The following ESRRB variants were observed in gnomAD, a reference collection of about 807,000 sequenced individuals.
ESRRB encodes the protein steroid hormone receptor ERR2.
Under a neutral mutation model 46.0 loss-of-function variants are expected in ESRRB, and 16 were observed. The ratio of observed to expected loss-of-function variants is 0.35; its 90% CI spans 0.24 to 0.53. The LOEUF (loss-of-function observed/expected upper bound fraction) is 0.53, where lower values mean the gene tolerates loss of function less well. Among genes scored for constraint, ESRRB ranks in the 20% least tolerant of loss-of-function variants. ESRRB has a pLI of 0.93. For missense variants in ESRRB, 488 were observed against 607.4 expected, an observed-to-expected ratio of 0.80 and a Z score of 2.07; for synonymous variants, 246 against 259.6, an observed-to-expected ratio of 0.95 and a Z score of 0.50.
At chr14:76,484,063 C>G (rs889748241) in intron 5 of ESRRB, among the ~76,000 whole-genome samples, 3 of 152,174 alleles carry the variant, frequency 2.0e-5, no homozygotes, top group Non-Finnish European at 4.4e-5. Flanking sequence ...GCCATGTTGG[C>G]CAAGCTGGTC....
In ESRRB at chr14:76,482,859, C is replaced by T; in HGVS notation, c.850+100C>T. Reference sequence around the variant, plus strand: ...TGCTTCTGATGCCCGGATCCTGGACCCCAGAAGGCCTGTGAAATCCTGGCA... The same window carrying T: ...TGCTTCTGATGCCCGGATCCTGGACTCCAGAAGGCCTGTGAAATCCTGGCA... On this transcript the variant is annotated intron_variant, in intron 5 of 6. Transcript: ENST00000644823. The surrounding 1 kb of genome is among the most constrained non-coding windows in gnomAD (Gnocchi z 4.3). 1.4e-6 allele frequency: 2 copies of T among 1,420,190 alleles called. No homozygotes were observed. The highest frequency in any genetic ancestry group is 2.0e-6 in the Non-Finnish European group (2 of 1,015,698). The allele number at this position is 1,420,190 out of a possible 1,614,324, so 88.0% of individuals were successfully genotyped here.
chr14:76,358,979 T>G (rs1884431885), intron 1 of ESRRB, among the ~76,000 whole-genome samples: 2 of 152,202 alleles, frequency 1.3e-5, no homozygotes, highest in African/African-American at 4.8e-5. Context: ...TTCTAATACT[T>G]TCCCAGGTGA....
intron 5 of ESRRB, among the ~76,000 whole-genome samples, chr14:76,490,936 G>C (rs115932738): frequency 4.1e-4 from 62 of 152,228 alleles, no homozygotes; most frequent in African/African-American, 1.5e-3. Flanking sequence ...CTGCGTCCTC[G>C]TTCTTGGTCA....
At chr14:76,485,626 TGAGAGAGA>T (rs151021182) in intron 5 of ESRRB, among the ~76,000 whole-genome samples, 5,458 of 143,886 alleles carry the variant, frequency 0.038, 317 homozygotes, top group African/African-American at 0.13. Context: ...TCCCTATCCC[TGAGAGAGA>T]GAGAGAGAGA....
intron 1 of ESRRB, among the ~76,000 whole-genome samples, chr14:76,417,117 A>G (rs1213260731): frequency 2.0e-5 from 3 of 152,180 alleles, no homozygotes; most frequent in South Asian, 4.2e-4. Context: ...AAGCTGGCCA[A>G]TAGAGTGAGA....
chr14:76,470,258 C>T (rs190914784), intron 3 of ESRRB, among the ~76,000 whole-genome samples: 1 of 152,182 alleles, frequency 6.6e-6, no homozygotes, highest in Non-Finnish European at 1.5e-5. Flanking sequence ...CCACGCTAGG[C>T]TTCTAAAAGA....
intron 5 of ESRRB, among the ~76,000 whole-genome samples, chr14:76,491,237 T>C (rs981700401): frequency 3.3e-5 from 5 of 152,228 alleles, no homozygotes; most frequent in African/African-American, 7.2e-5. Context: ...TTGTAAGTCT[T>C]TTCCGTGAAT....
intron 1 of ESRRB, among the ~76,000 whole-genome samples, chr14:76,324,963 C>CTTTTTCTTTTTTTT (rs1320537747): frequency 1.8e-4 from 18 of 102,192 alleles, no homozygotes; most frequent in Middle Eastern, 5.7e-3. Flanking sequence ...TTTTCTTTTT[C>CTTTTTCTTTTTTTT]TTTTTTTTTT....
intron 1 of ESRRB, among the ~76,000 whole-genome samples, chr14:76,355,886 T>A (rs1884373325): frequency 6.6e-6 from 1 of 152,184 alleles, no homozygotes; most frequent in African/African-American, 2.4e-5. Flanking sequence ...GTATTCTCTC[T>A]CACCCCACCC....
intron 1 of ESRRB, among the ~76,000 whole-genome samples, chr14:76,386,549 C>T (rs181788774): frequency 3.2e-4 from 48 of 150,484 alleles, no homozygotes; most frequent in African/African-American, 4.9e-4. Context: ...CTCTGCCTCC[C>T]GGGTTCAAGC....
chr14:76,406,720 G>A (rs1052919045), intron 1 of ESRRB, among the ~76,000 whole-genome samples: 8 of 152,034 alleles, frequency 5.3e-5, no homozygotes, highest in Non-Finnish European at 1.0e-4. Context: ...CTCCAGCCTG[G>A]GCAACAAGAG....
At chr14:76,420,820 A>G (rs112048483) in intron 1 of ESRRB, among the ~76,000 whole-genome samples, 20 of 152,232 alleles carry the variant, frequency 1.3e-4, no homozygotes, top group African/African-American at 4.8e-4. Context: ...CATCCACCTC[A>G]AAGTTTCTAA....
At chr14:76,382,623 T>C (rs1345819288) in intron 1 of ESRRB, among the ~76,000 whole-genome samples, 1 of 152,184 alleles carries the variant, frequency 6.6e-6, no homozygotes, top group Non-Finnish European at 1.5e-5. Flanking sequence ...TCAAGGAAAA[T>C]CATACTGGTT....
intron 1 of ESRRB, among the ~76,000 whole-genome samples, chr14:76,437,076 G>A (rs767677085): frequency 2.6e-5 from 4 of 151,996 alleles, no homozygotes; most frequent in Non-Finnish European, 4.4e-5. Flanking sequence ...CTGTCTCCCG[G>A]GCTAGAGTGC....
chr14:76,397,372 C>T (rs1293752562), intron 1 of ESRRB, among the ~76,000 whole-genome samples: 5 of 152,190 alleles, frequency 3.3e-5, no homozygotes. Flanking sequence ...GGCAGCAGAA[C>T]CTCCTGGAGT....
At chr14:76,395,787 TA>T (rs2139828429) in intron 1 of ESRRB, among the ~76,000 whole-genome samples, 1 of 145,194 alleles carries the variant, frequency 6.9e-6, no homozygotes, top group East Asian at 2.0e-4. Context: ...GGAGTTATTA[TA>T]TATTTTTCCA....
intron 2 of ESRRB, among the ~76,000 whole-genome samples, chr14:76,461,336 G>C (rs1566598510): frequency 6.6e-6 from 1 of 152,204 alleles, no homozygotes; most frequent in African/African-American, 2.4e-5. Context: ...CTGTAGATCA[G>C]TCATTCACTG....
intron 6 of ESRRB, among the ~76,000 whole-genome samples, chr14:76,493,807 G>C (rs747179922): frequency 6.6e-6 from 1 of 152,236 alleles, no homozygotes; most frequent in Non-Finnish European, 1.5e-5. Flanking sequence ...TACTGGGTTA[G>C]TGCATCCATC....
chr14:76,448,411 C>T (rs1222558453), intron 2 of ESRRB, among the ~76,000 whole-genome samples: 2 of 151,532 alleles, frequency 1.3e-5, no homozygotes, highest in Non-Finnish European at 2.9e-5. Context: ...TCACTGCAAC[C>T]TCCGCCTCCC....
Sources: gnomAD v4.1 joint callset for allele counts (sites outside exome capture counted in the v4.1 genomes callset) on GRCh38, gnomAD v4.1.1 for gene constraint, Gnocchi (gnomAD v3.1) non-coding constraint, MANE v1.5 for transcripts, NCBI Gene and HGNC (gene_info 2026-07-23, HGNC 2026-07-21) for gene names.